Variants in NECTIN1 observed in about 807,000 individuals in gnomAD.
NECTIN1 encodes nectin-1.
In NECTIN1, 23 loss-of-function variants were observed where a neutral mutation model predicts 48.0. The observed-to-expected ratio is 0.48, with a 90% confidence interval of 0.34 to 0.68. The LOEUF is 0.68. NECTIN1 is among the 30% of genes least tolerant of loss of function. The pLI, the probability that NECTIN1 is intolerant of heterozygous loss-of-function variation, is 0.01. For missense variants in NECTIN1, 591 were observed against 709.9 expected (o/e 0.83, Z 1.90); for synonymous variants, 270 against 288.9 (o/e 0.93, Z 0.66).
chr11:119,687,545 A>T (rs903581088), intron 1 of NECTIN1, among the ~76,000 whole-genome samples: 1 of 152,120 alleles, frequency 6.6e-6, no homozygotes, highest in Non-Finnish European at 1.5e-5. Context: ...TGTAGCAGAC[A>T]CGGCAGCCTG....
Position 119,664,728 on chromosome 11 carries a change from A to G in NECTIN1, c.*19T>C. The G allele has an allele frequency of 6.3e-7, 1 of 1,595,828 alleles. No individual in the cohort carries two copies. Among genetic ancestry groups the G allele is most frequent in the Non-Finnish European group, 8.5e-7 (1 of 1,169,836 alleles). On this transcript the variant is annotated 3_prime_UTR_variant, in exon 6 of 6. Coordinates refer to ENST00000264025, the MANE Select transcript of NECTIN1 (RefSeq NM_002855.5). ...GGGCTGGGGAGGAGCGGTCACAGAC[A>G]GAGGCTCTGGAAGGGGGGCTACACG... is the stretch of plus-strand genomic sequence containing the variant.
chr11:119,690,141 G>A (rs1019933405), intron 1 of NECTIN1, among the ~76,000 whole-genome samples: 2 of 152,122 alleles, frequency 1.3e-5, no homozygotes, highest in South Asian at 4.1e-4. Context: ...CTTAGGCGGT[G>A]CCAGGAAAGG....
intron 1 of NECTIN1, among the ~76,000 whole-genome samples, chr11:119,691,052 G>A (rs1443763895): frequency 6.6e-6 from 1 of 151,940 alleles, no homozygotes; most frequent in African/African-American, 2.4e-5. Flanking sequence ...CACAGCCTGA[G>A]CTGGAATACC....
chr11:119,679,613 C>A (rs991719734), intron 1 of NECTIN1, among the ~76,000 whole-genome samples: 1 of 152,192 alleles, frequency 6.6e-6, no homozygotes, highest in Non-Finnish European at 1.5e-5. Flanking sequence ...AGACTGGGCC[C>A]ATCCTCAGAA....
intron 1 of NECTIN1, among the ~76,000 whole-genome samples, chr11:119,710,777 C>T (rs1865629602): frequency 6.6e-6 from 1 of 152,034 alleles, no homozygotes. Flanking sequence ...GGAGAGAAGA[C>T]CCCATACAAG....
At chr11:119,666,800 C>T (rs546780535) in intron 5 of NECTIN1, among the ~76,000 whole-genome samples, 2 of 152,330 alleles carry the variant, frequency 1.3e-5, no homozygotes, top group South Asian at 2.1e-4. Context: ...CCTCCTGGGG[C>T]GTGTGTGGGG....
At chr11:119,704,429 C>G (rs1209662236) in intron 1 of NECTIN1, among the ~76,000 whole-genome samples, 1 of 152,168 alleles carries the variant, frequency 6.6e-6, no homozygotes, top group East Asian at 1.9e-4. Flanking sequence ...GTTGGCCAGG[C>G]TGGTCTAGAA....
intron 5 of NECTIN1, among the ~76,000 whole-genome samples, chr11:119,645,367 G>A (rs897843996): frequency 2.0e-5 from 3 of 152,184 alleles, no homozygotes; most frequent in Non-Finnish European, 4.4e-5. Context: ...CGGTCTCACT[G>A]CTGGGAGGGC....
chr11:119,680,926 C>G (rs1018823878), intron 1 of NECTIN1, among the ~76,000 whole-genome samples: 1 of 152,246 alleles, frequency 6.6e-6, no homozygotes, highest in Non-Finnish European at 1.5e-5. Context: ...CTGTAGCCTG[C>G]CTCTGCCTTT....
chr11:119,708,293 T>G (rs1324089736), intron 1 of NECTIN1, among the ~76,000 whole-genome samples: 1 of 152,076 alleles, frequency 6.6e-6, no homozygotes, highest in Non-Finnish European at 1.5e-5. Flanking sequence ...AAAGCTTGGA[T>G]GTGGCGAAAG....
At chr11:119,652,827 T>G (rs898282709) in intron 5 of NECTIN1, among the ~76,000 whole-genome samples, 1 of 152,168 alleles carries the variant, frequency 6.6e-6, no homozygotes, top group Non-Finnish European at 1.5e-5. Context: ...GACCCCAAAG[T>G]TACATACAAG....
chr11:119,711,073 A>G (rs562585869), intron 1 of NECTIN1, among the ~76,000 whole-genome samples: 1 of 138,162 alleles, frequency 7.2e-6, no homozygotes, highest in Non-Finnish European at 1.5e-5. Flanking sequence ...AAAAAAAAAA[A>G]AACCAAAAAC....
chr11:119,638,166 C>T, exon 8 of NECTIN1: 1 of 1,613,916 alleles, frequency 6.2e-7, no homozygotes, highest in Non-Finnish European at 8.5e-7. Flanking sequence ...ACCCCCAGAT[C>T]ATAGTAGGGG....
chr11:119,710,542 A>G (rs1865626106), intron 1 of NECTIN1, among the ~76,000 whole-genome samples: 1 of 152,194 alleles, frequency 6.6e-6, no homozygotes, highest in African/African-American at 2.4e-5. Context: ...ATGATGATAC[A>G]GGAAGAAATG....
chr11:119,703,831 T>C (rs764122663), intron 1 of NECTIN1, among the ~76,000 whole-genome samples: 1 of 152,162 alleles, frequency 6.6e-6, no homozygotes, highest in Non-Finnish European at 1.5e-5. Context: ...AGCTTATTGC[T>C]AGAGTAATGA....
intron 5 of NECTIN1, among the ~76,000 whole-genome samples, chr11:119,669,168 T>C (rs1438448960): frequency 6.6e-6 from 1 of 152,204 alleles, no homozygotes; most frequent in East Asian, 1.9e-4. Flanking sequence ...TCCCAGCACT[T>C]TGGGAGGCCG....
chr11:119,654,466 T>C (rs1413531993), intron 5 of NECTIN1, among the ~76,000 whole-genome samples: 2 of 151,940 alleles, frequency 1.3e-5, no homozygotes, highest in African/African-American at 4.8e-5. Flanking sequence ...TCCACCCCCA[T>C]TCCCTGCTGG....
intron 1 of NECTIN1, among the ~76,000 whole-genome samples, chr11:119,722,065 C>T (rs1407221004): frequency 6.6e-6 from 1 of 152,228 alleles, no homozygotes; most frequent in Admixed American, 6.5e-5. Context: ...TCCGTCTGTC[C>T]ATTCCCGATC....
chr11:119,638,349 C>A, intron 7 of NECTIN1: 2 of 1,424,342 alleles, frequency 1.4e-6, no homozygotes, highest in Admixed American at 3.6e-5. Context: ...AGTTCCCATG[C>A]ACCCCCATTC....
Sources: allele counts gnomAD v4.1 joint callset (sites outside exome capture counted in the v4.1 genomes callset), GRCh38; gene constraint gnomAD v4.1.1; transcripts MANE v1.5; gene names NCBI Gene and HGNC (gene_info 2026-07-23, HGNC 2026-07-21).